Variants in ALDH7A1 observed in about 807,000 individuals in gnomAD.
ALDH7A1 encodes the protein alpha-aminoadipic semialdehyde dehydrogenase.
ALDH7A1 carries 63 observed loss-of-function variants against 79.9 expected under a neutral mutation model. The ratio of observed to expected loss-of-function variants is 0.79; its 90% CI spans 0.64 to 0.97. The LOEUF (loss-of-function observed/expected upper bound fraction) is 0.97. Among genes scored for constraint, ALDH7A1 ranks in the 50% least tolerant of loss-of-function variants. The pLI is 0.00. For missense variants in ALDH7A1, 627 were observed against 665.2 expected (o/e 0.94, Z 0.63); for synonymous variants, 240 against 231.2 (o/e 1.04, Z -0.34).
chr5:126,592,659 C>A lies in ALDH7A1; in HGVS notation c.312+5G>T. On this transcript the variant is annotated splice_donor_5th_base_variant and intron_variant, in intron 3 of 17. Transcript: ENST00000409134. Reference sequence around the variant, plus strand: ...CTGAATTCTAGAAACAAAGGCCATACTTACATCTGCCCAGATTTTCCATGC... The same window carrying A: ...CTGAATTCTAGAAACAAAGGCCATAATTACATCTGCCCAGATTTTCCATGC... The A allele has an allele frequency of 6.2e-7, 1 of 1,613,498 alleles. No homozygotes were observed. Among genetic ancestry groups the A allele is most frequent in the Middle Eastern group, 1.7e-4 (1 of 6,026 alleles).
In ALDH7A1 at chr5:126,546,368, C is replaced by T. The variant is rs540451615; in HGVS notation, c.1521G>A (p.Glu507=). Reference sequence around the variant, plus strand: ...ACTGTTTCCAGGCATCACTGCCAGACTCCCTGCCACCACCAGTGTGCTTTT... The same window carrying T: ...ACTGTTTCCAGGCATCACTGCCAGATTCCCTGCCACCACCAGTGTGCTTTT... The part of the protein sequence containing the change: ...GGEKHTGGGR[E]SGSDAWKQYM... Residue 507 remains glutamate, a synonymous_variant, in exon 17 of 18, where the codon GAG becomes GAA. Transcript: ENST00000409134. The T allele has an allele frequency of 6.2e-7, 1 of 1,614,220 alleles. No homozygotes were observed. The highest frequency in any genetic ancestry group is 8.5e-7 in the Non-Finnish European group (1 of 1,180,040).
chr5:126,589,421 G>A (rs1751466106), intron 3 of ALDH7A1, among the ~76,000 whole-genome samples: 1 of 152,050 alleles, frequency 6.6e-6, no homozygotes, highest in East Asian at 1.9e-4. Flanking sequence ...CTCCCAAAGT[G>A]CTGGGATTAC....
At chr5:126,593,243 C>T in intron 2 of ALDH7A1, 108 bp downstream of exon 2, 4 of 1,504,958 alleles carry the variant, frequency 2.7e-6, no homozygotes, top group Non-Finnish European at 3.6e-6. Flanking sequence ...TTATTCTTGA[C>T]CTGCCTAACT....
rs563675719 is a variant in ALDH7A1, at chr5:126,559,249, C to T, written c.999G>A (p.Ala333=). The T allele has an allele frequency of 8.1e-6, 13 of 1,613,680 alleles. No individual in the cohort carries two copies. Among genetic ancestry groups the T allele is most frequent in the East Asian group, 6.7e-5 (3 of 44,862 alleles). ...VGTAGQRCTT[A]RRLFIHESIH... Reference sequence around the variant, plus strand: ...ATGCAGATATACTCACCAGTCGCCTCGCAGTGGTACACCTCTGGCCAGCTG... The same window carrying T: ...ATGCAGATATACTCACCAGTCGCCTTGCAGTGGTACACCTCTGGCCAGCTG... Residue 333 remains alanine (A), a synonymous_variant, in exon 11 of 18, where the codon GCG becomes GCA. Coordinates refer to ENST00000409134, the MANE Select transcript of ALDH7A1 (RefSeq NM_001182.5).
rs1750508766 is a variant in ALDH7A1 at position 126,564,650 on chromosome 5, A to G, written c.872-3526T>C. On this transcript the variant is annotated intron_variant, in intron 9 of 17. Coordinates refer to ENST00000409134, the MANE Select transcript of ALDH7A1 (RefSeq NM_001182.5). ...TATGAAGACATGGCTGTTACTACCA[A>G]AAGCCACCAAATGCTACACCAACTC... The G allele has an allele frequency of 3.2e-6, 3 of 950,122 alleles. No individual in the cohort carries two copies. The East Asian group carries it at 9.9e-5, about 31-fold the overall frequency. 58.9% of individuals were successfully genotyped at this position (950,122 alleles called of 1,614,324 possible). A position where few individuals can be genotyped will look rare whatever the true frequency, so the allele number is the denominator to read the frequency against.
Position 126,544,491 on chromosome 5 carries a change from C to A in ALDH7A1, c.*474G>T. ...TGTGGTCCAAGCATACAGGGGAATG[C>A]ATCCCCCTTTCAATCACACGACATC... On this transcript the variant is annotated 3_prime_UTR_variant, in exon 18 of 18. Coordinates refer to ENST00000409134, the MANE Select transcript of ALDH7A1 (RefSeq NM_001182.5). 5.0e-6 allele frequency: 1 copy of A among 198,076 alleles called. No individual in the cohort carries two copies. Among genetic ancestry groups the A allele is most frequent in the Non-Finnish European group, 1.0e-5 (1 of 96,108 alleles). The allele number at this position is 198,076 out of a possible 1,614,324, so 12.3% of individuals were successfully genotyped here. A position where few individuals can be genotyped will look rare whatever the true frequency, so the allele number is the denominator to read the frequency against.
chr5:126,559,499 G>T (rs1423748431), intron 10 of ALDH7A1, 165 bp from the exon 11 acceptor site: 1 of 564,798 alleles, frequency 1.8e-6, no homozygotes, highest in Non-Finnish European at 3.2e-6. Context: ...GCAATGGCAC[G>T]ATCTCGGCTC....
Position 126,592,652 on chromosome 5 carries a change from GGCCATACTTACATCT to G in ALDH7A1, c.309_312+11del. The G allele has an allele frequency of 6.2e-7, 1 of 1,612,654 alleles. No individual in the cohort carries two copies. The highest frequency in any genetic ancestry group is 8.5e-7 in the Non-Finnish European group (1 of 1,178,782). The stretch of plus-strand genomic sequence containing the variant: ...ATCTTTTCTGAATTCTAGAAACAAA[GGCCATACTTACATCT>G]GCCCAGATTTTCCATGCTTCTCTTG... On this transcript the variant is annotated splice_donor_variant and splice_donor_5th_base_variant and coding_sequence_variant and intron_variant, in exon 3 of 18. Coordinates refer to ENST00000409134, the MANE Select transcript of ALDH7A1 (RefSeq NM_001182.5). LOFTEE classifies it high-confidence loss of function.
rs1750749495 is a variant in ALDH7A1, at chr5:126,570,945, T to G, written c.696-86A>C. 2.3e-6 allele frequency: 3 copies of G among 1,286,734 alleles called. No individual in the cohort carries two copies. In the South Asian group the frequency reaches 3.6e-5, roughly 15 times the overall value. The allele number at this position is 1,286,734 out of a possible 1,614,324, so 79.7% of individuals were successfully genotyped here. The stretch of plus-strand genomic sequence containing the variant: ...ATAAATTCCAACCACTTGACTCTCC[T>G]TTTTTCAACTTTCTCTCCCATCCCT... On this transcript the variant is annotated intron_variant, in intron 7 of 17. Coordinates refer to ENST00000409134, the MANE Select transcript of ALDH7A1 (RefSeq NM_001182.5).
At chr5:126,559,442 T>G (rs1750323802) in intron 10 of ALDH7A1, 108 bp from the exon 11 acceptor site, 1 of 828,100 alleles carries the variant, frequency 1.2e-6, no homozygotes, top group Non-Finnish European at 1.9e-6. Flanking sequence ...TGGTTTTTTT[T>G]TTTTTTTTTT....
chr5:126,566,147 T>C (rs1371908204), intron 9 of ALDH7A1, among the ~76,000 whole-genome samples: 2 of 152,176 alleles, frequency 1.3e-5, no homozygotes, highest in East Asian at 1.9e-4. Context: ...AGGAATTGCA[T>C]TGAATCTGTA....
chr5:126,559,119 G>A (rs1335731408), intron 11 of ALDH7A1, 121 bp downstream of exon 11: 1 of 794,966 alleles, frequency 1.3e-6, no homozygotes, highest in Non-Finnish European at 2.1e-6. Flanking sequence ...CCACATATTT[G>A]CCAGCCACAT....
At chr5:126,547,946 C>T (rs189226638) in intron 16 of ALDH7A1, among the ~76,000 whole-genome samples, 3 of 151,600 alleles carry the variant, frequency 2.0e-5, no homozygotes, top group East Asian at 1.9e-4. Context: ...CAGCTACTCA[C>T]GAGGTTGAGG....
intron 3 of ALDH7A1, among the ~76,000 whole-genome samples, chr5:126,589,884 A>AC: frequency 8.1e-6 from 1 of 123,424 alleles, no homozygotes; most frequent in East Asian, 2.6e-4. Flanking sequence ...CCAGCTGCCC[A>AC]CTGTCTGGGA....
At position 126,561,226 on chromosome 5, in the gene ALDH7A1, C is replaced by A. The variant is rs4836276; in HGVS notation, c.872-102G>T. On this transcript the variant is annotated intron_variant, in intron 9 of 17. Coordinates refer to ENST00000409134, the MANE Select transcript of ALDH7A1 (RefSeq NM_001182.5). Reference sequence around the variant, plus strand: ...CAATTATTAAATTATATAGCCTGTCCAATTATTTTTTATATAGCCTATCCC... The same window carrying A: ...CAATTATTAAATTATATAGCCTGTCAAATTATTTTTTATATAGCCTATCCC... 0.37 allele frequency: 340,350 copies of A among 910,744 alleles called. 69,585 individuals are homozygous for A. The highest frequency in any genetic ancestry group is 0.62 in the East Asian group (22,968 of 37,068). 56.4% of individuals were successfully genotyped at this position (910,744 alleles called of 1,614,324 possible).
rs543969090 is a variant in ALDH7A1, at chr5:126,575,727, T to C, written c.651-263A>G. Among the ~76,000 whole-genome samples the C allele has an allele frequency of 2.0e-5, 3 of 152,324 alleles. No individual in the cohort carries two copies. In the East Asian group the frequency reaches 5.8e-4, roughly 29 times the overall value. ...TTGCTGCACTGATCGCAGGAATCAC[T>C]ACATTAACCTCAGCCAGTTATAGGA... On this transcript the variant is annotated intron_variant, in intron 6 of 17. Coordinates refer to ENST00000409134, the MANE Select transcript of ALDH7A1 (RefSeq NM_001182.5).
At chr5:126,584,505 C>G (rs766147359) in intron 3 of ALDH7A1, 2 of 171,280 alleles carry the variant, frequency 1.2e-5, no homozygotes, top group African/African-American at 2.4e-5. Context: ...ACTAAAAATA[C>G]AAAAATTAGC....
Position 126,544,994 on chromosome 5 carries a change from G to A in ALDH7A1, c.1591C>T (p.Pro531Ser), listed in dbSNP as rs1309544202. The change falls in exon 18 of 18, where the codon CCT becomes TCT. Residue 531 changes from proline to serine, a missense_variant. By Grantham distance (74) the Pro-to-Ser change is moderately conservative. Coordinates refer to ENST00000409134, the MANE Select transcript of ALDH7A1 (RefSeq NM_001182.5). ...TCTINYSKDL[P>S]LAQGIKFQ is the part of the protein sequence containing the mutation. Reference sequence around the variant, plus strand: ...TGAAACTTGATTCCTTGGGCCAGAGGAAGGTCTTTACTGTAGTTGATAGTA... The same window carrying A: ...TGAAACTTGATTCCTTGGGCCAGAGAAAGGTCTTTACTGTAGTTGATAGTA... The A allele has an allele frequency of 1.2e-6, 2 of 1,610,648 alleles. No homozygotes were observed.
chr5:126,568,177 A>T, intron 9 of ALDH7A1, 82 bp downstream of exon 9: 1 of 1,342,220 alleles, frequency 7.5e-7, no homozygotes, highest in Non-Finnish European at 1.1e-6. Context: ...GAAAAGGTTG[A>T]GGGGAAAACA....
Sources: gnomAD v4.1 joint callset for allele counts (sites outside exome capture counted in the v4.1 genomes callset) on GRCh38, gnomAD v4.1.1 for gene constraint, MANE v1.5 for transcripts, NCBI Gene and HGNC (gene_info 2026-07-23, HGNC 2026-07-21) for gene names.